The following LRIG2 variants were observed in gnomAD, a reference collection of about 807,000 sequenced individuals.
LRIG2 encodes the protein leucine rich repeats and immunoglobulin like domains 2, also known as leucine-rich repeats and immunoglobulin-like domains protein 2.
LRIG2 carries 93 observed loss-of-function variants against 107.8 expected under a neutral mutation model. The observed-to-expected ratio is 0.86, with a 90% CI of 0.73 to 1.03. The LOEUF (loss-of-function observed/expected upper bound fraction) is 1.03, where lower values mean the gene tolerates loss of function less well. Ranked by LOEUF, LRIG2 falls within the 50% of genes least tolerant of loss-of-function variation. The pLI, the probability that LRIG2 is intolerant of heterozygous loss-of-function variation, is 0.00. For missense variants in LRIG2, 1,226 were observed against 1,296.0 expected, an observed-to-expected ratio of 0.95 and a Z score of 0.83; for synonymous variants, 471 against 470.6, an observed-to-expected ratio of 1.00 and a Z score of -0.01.
chr1:113,103,750 C>T (rs183197934), intron 11 of LRIG2: 8 of 152,404 alleles, frequency 5.2e-5, no homozygotes, highest in Non-Finnish European at 1.0e-4. Context: ...GTCAGACTAA[C>T]GAACCATTGC....
rs567534338 is a variant in LRIG2 at position 113,120,525 on chromosome 1, T to G, written c.2971+1002T>G. Among the ~76,000 whole-genome samples the G allele has an allele frequency of 5.3e-5, 8 of 151,060 alleles. No homozygotes were observed. In the East Asian group the frequency reaches 5.8e-4, roughly 11 times the overall value. On this transcript the variant is annotated intron_variant, in intron 17 of 17. Transcript: ENST00000361127. ...AGAAGATTTTTTTTTTTTTTTTTTT[T>G]GGGAAATGGAGGTTCGCTCTTGTTT... is the stretch of plus-strand genomic sequence containing the variant.
At chr1:113,098,061 A>G (rs547735829) in intron 8 of LRIG2, among the ~76,000 whole-genome samples, 136 of 152,302 alleles carry the variant, frequency 8.9e-4, no homozygotes, top group Non-Finnish European at 1.5e-3. Flanking sequence ...ATTATATGGA[A>G]ATAATTCTTT....
At position 113,131,882 on chromosome 1, in the gene LRIG2, T is replaced by C. The variant is rs1366005837; in HGVS notation, c.*7781T>C. 1 of 151,860 alleles carries C rather than the reference T, an allele frequency of 6.6e-6. No homozygotes were observed. The highest frequency in any genetic ancestry group is 1.5e-5 in the Non-Finnish European group (1 of 68,028). The allele number at this position is 151,860 out of a possible 1,614,324, so 9.4% of individuals were successfully genotyped here. A position where few individuals can be genotyped will look rare whatever the true frequency, so the allele number is the denominator to read the frequency against. On this transcript the variant is annotated 3_prime_UTR_variant, in exon 18 of 18. Coordinates refer to ENST00000361127, the MANE Select transcript of LRIG2 (RefSeq NM_014813.3). ...GGTGAAGGTGAAGAAACAGCTTGAC[T>C]TGTGCCTGTTTTCAGATAAAGGAGT... is the stretch of plus-strand genomic sequence containing the variant.
At chr1:113,114,987 T>A in intron 15 of LRIG2, 111 bp downstream of exon 15, 1 of 880,354 alleles carries the variant, frequency 1.1e-6, no homozygotes. Flanking sequence ...CACATGCCTG[T>A]ACTCCCAGCT....
intron 10 of LRIG2, 32 bp downstream of exon 10, chr1:113,100,314 A>G: frequency 1.3e-6 from 2 of 1,543,932 alleles, no homozygotes; most frequent in Non-Finnish European, 1.8e-6. Context: ...TGCTTACTCT[A>G]TAAATAATCT....
rs751187805 is a variant in LRIG2 at position 113,112,630 on chromosome 1, C to T, written c.1950C>T (p.Arg650=). 1 of 1,614,148 alleles carries T rather than the reference C, an allele frequency of 6.2e-7. No individual in the cohort carries two copies. ...ACTTTCCTGCGGCTCGAGAAAGACG[C>T]ATGCACGTCATGCCCGAGGATGACG... ...GTDFPAARER[R]MHVMPEDDVF... The change falls in exon 14 of 18, where the codon CGC becomes CGT. Residue 650 remains arginine (R), a synonymous_variant. Coordinates refer to ENST00000361127, the MANE Select transcript of LRIG2 (RefSeq NM_014813.3).
chr1:113,112,617 C>T lies in LRIG2; in HGVS notation c.1937C>T (p.Ala646Val), dbSNP rs1363223046. ...QKDGGTDFPA[A>V]RERRMHVMPE... ...GATGGTGGTACTGACTTTCCTGCGG[C>T]TCGAGAAAGACGCATGCACGTCATG... Residue 646 changes from alanine (A) to valine (V), a missense_variant, in exon 14 of 18, where the codon GCT (alanine) becomes GTT (valine). Physicochemically the swap from Ala to Val is moderately conservative, Grantham distance 64. Coordinates refer to ENST00000361127, the MANE Select transcript of LRIG2 (RefSeq NM_014813.3). The T allele has an allele frequency of 3.1e-6, 5 of 1,614,176 alleles. No individual in the cohort carries two copies. The highest frequency in any genetic ancestry group is 3.4e-6 in the Non-Finnish European group (4 of 1,180,048).
chr1:113,081,708 A>G (rs1653295976), intron 1 of LRIG2, among the ~76,000 whole-genome samples: 1 of 151,954 alleles, frequency 6.6e-6, no homozygotes, highest in South Asian at 2.1e-4. Context: ...TTTAGTAGAG[A>G]TGGGGTTTTA....
intron 1 of LRIG2, among the ~76,000 whole-genome samples, chr1:113,075,840 C>T (rs1355876493): frequency 2.0e-5 from 3 of 151,446 alleles, no homozygotes; most frequent in African/African-American, 4.9e-5. Flanking sequence ...GGATTACAGG[C>T]GTGCGCTACC....
At chr1:113,105,819 T>C (rs1393990168) in intron 11 of LRIG2, among the ~76,000 whole-genome samples, 1 of 152,228 alleles carries the variant, frequency 6.6e-6, no homozygotes, top group East Asian at 1.9e-4. Context: ...AATTACTCAA[T>C]GAAACTTGTT....
chr1:113,075,603 G>C (rs757577293), intron 1 of LRIG2, among the ~76,000 whole-genome samples: 6 of 151,920 alleles, frequency 3.9e-5, no homozygotes, highest in Admixed American at 3.9e-4. Flanking sequence ...AGACATTCTT[G>C]GAAGAGCTAC....
chr1:113,123,848 C>T, intron 17 of LRIG2, 27 bp from the exon 18 acceptor site: 1 of 1,594,372 alleles, frequency 6.3e-7, no homozygotes, highest in Non-Finnish European at 8.6e-7. Context: ...CCAGTCACTA[C>T]TGATAATTCT....
rs1243519571 is a variant in LRIG2, at chr1:113,124,977, A to G, written c.*876A>G. 1 of 152,114 alleles carries G rather than the reference A, an allele frequency of 6.6e-6. No homozygotes were observed. The highest frequency in any genetic ancestry group is 1.9e-4 in the East Asian group (1 of 5,188). 9.4% of individuals were successfully genotyped at this position (152,114 alleles called of 1,614,324 possible). ...GGAATTTGAGACCAGGCTGGGCAACATGGTGAGACCCTGTGTCTGCAAAAA... is the reference window on the plus strand; with the variant it reads ...GGAATTTGAGACCAGGCTGGGCAACGTGGTGAGACCCTGTGTCTGCAAAAA... On this transcript the variant is annotated 3_prime_UTR_variant, in exon 18 of 18. Transcript: ENST00000361127.
intron 16 of LRIG2, among the ~76,000 whole-genome samples, chr1:113,118,668 G>GT (rs796930284): frequency 2.8e-3 from 393 of 142,150 alleles, no homozygotes; most frequent in Middle Eastern, 3.7e-3. Context: ...GTATGACTTT[G>GT]TTTTTTTTTT....
intron 8 of LRIG2, 21 bp downstream of exon 8, chr1:113,096,386 T>G: frequency 1.3e-6 from 2 of 1,599,312 alleles, no homozygotes; most frequent in Non-Finnish European, 1.7e-6. Flanking sequence ...CCATTCTCCT[T>G]TTTGGTTGTT....
intron 1 of LRIG2, among the ~76,000 whole-genome samples, chr1:113,079,193 C>T (rs541377685): frequency 2.6e-5 from 4 of 151,874 alleles, no homozygotes; most frequent in Non-Finnish European, 5.9e-5. Context: ...AAAAAAAGTG[C>T]AACAGTTAGC....
rs1655583560 is a variant in LRIG2, at chr1:113,128,757, C to T, written c.*4656C>T. 6.6e-6 allele frequency: 1 copy of T among 152,160 alleles called. No homozygotes were observed. The highest frequency in any genetic ancestry group is 2.4e-5 in the African/African-American group (1 of 41,422). 9.4% of individuals were successfully genotyped at this position (152,160 alleles called of 1,614,324 possible). A position where few individuals can be genotyped will look rare whatever the true frequency, so the allele number is the denominator to read the frequency against. ...AAAAACCACCCATTGCTCTCTAGAG[C>T]AGAATGTCTGAATGCTGGTTTTATA... On this transcript the variant is annotated 3_prime_UTR_variant, in exon 18 of 18. Transcript: ENST00000361127.
At chr1:113,122,453 A>G (rs1215797828) in intron 17 of LRIG2, among the ~76,000 whole-genome samples, 1 of 152,150 alleles carries the variant, frequency 6.6e-6, no homozygotes, top group Non-Finnish European at 1.5e-5. Context: ...CTATTACTGA[A>G]GTTAATCTCT....
Position 113,098,797 on chromosome 1 carries a change from A to T in LRIG2, c.1172+12A>T. The T allele has an allele frequency of 6.6e-7, 1 of 1,516,104 alleles. No homozygotes were observed. The highest frequency in any genetic ancestry group is 9.2e-7 in the Non-Finnish European group (1 of 1,091,182). 93.9% of individuals were successfully genotyped at this position (1,516,104 alleles called of 1,614,324 possible). ...AGTCTCACTAAACTGTATGTATTAT[A>T]ATATTTATGTATGTCTACATAGGCA... On this transcript the variant is annotated intron_variant, in intron 9 of 17. Transcript: ENST00000361127.
Sources: allele counts gnomAD v4.1 joint callset (sites outside exome capture counted in the v4.1 genomes callset), GRCh38; gene constraint gnomAD v4.1.1; transcripts MANE v1.5; gene names NCBI Gene and HGNC (gene_info 2026-07-23, HGNC 2026-07-21).